MRPL3: variants seen among roughly 807,000 people sequenced by gnomAD.
MRPL3 encodes the protein mitochondrial ribosomal protein L3.
Under a neutral mutation model 44.3 loss-of-function variants are expected in MRPL3, and 43 were observed. That is an observed-to-expected ratio of 0.97 (90% CI 0.76 to 1.25). The LOEUF is 1.25. Among genes scored for constraint, MRPL3 ranks in the 50% most tolerant of loss-of-function variants. The pLI, the probability that MRPL3 is intolerant of heterozygous loss-of-function variation, is 0.00. For synonymous variants in MRPL3, 171 were observed against 152.3 expected (o/e 1.12, Z -0.91); for missense variants, 406 against 427.6 (o/e 0.95, Z 0.45).
chr3:131,484,125 T>C (rs748239147), intron 6 of MRPL3, among the ~76,000 whole-genome samples: 88 of 152,286 alleles, frequency 5.8e-4, no homozygotes, highest in Admixed American at 1.4e-3. Context: ...GATGTTTGTA[T>C]GTTATAATTC....
At chr3:131,480,404 T>C (rs919988611) in intron 6 of MRPL3, among the ~76,000 whole-genome samples, 10 of 152,340 alleles carry the variant, frequency 6.6e-5, no homozygotes, top group African/African-American at 1.7e-4. Context: ...AATATCAATA[T>C]AGCTGTTAAC....
chr3:131,492,214 T>A (rs780245847), intron 4 of MRPL3, among the ~76,000 whole-genome samples: 6 of 152,220 alleles, frequency 3.9e-5, no homozygotes, highest in Non-Finnish European at 8.8e-5. Context: ...ACTTTTATTT[T>A]ATTAAAGCAT....
chr3:131,477,594 AATC>A (rs1401353490), intron 6 of MRPL3, among the ~76,000 whole-genome samples: 1 of 149,694 alleles, frequency 6.7e-6, no homozygotes, highest in Non-Finnish European at 1.5e-5. Context: ...GTTGAACAAT[AATC>A]AACTCAAGGC....
chr3:131,482,370 G>C (rs927721518), intron 6 of MRPL3, among the ~76,000 whole-genome samples: 27 of 152,068 alleles, frequency 1.8e-4, no homozygotes, highest in African/African-American at 5.6e-4. Flanking sequence ...CAAAAAATTA[G>C]TTGGGCGTGG....
chr3:131,470,997 A>G (rs1478929380), intron 7 of MRPL3, among the ~76,000 whole-genome samples, 174 bp downstream of exon 7: 5 of 152,182 alleles, frequency 3.3e-5, no homozygotes, highest in African/African-American at 1.2e-4. Context: ...AACTAATTCT[A>G]GTCTGGCTCT....
intron 9 of MRPL3, among the ~76,000 whole-genome samples, chr3:131,463,106 T>C (rs943373597): frequency 6.6e-6 from 1 of 152,186 alleles, no homozygotes; most frequent in African/African-American, 2.4e-5. Context: ...AATCACCAAT[T>C]GTTACTTTGT....
At chr3:131,486,020 T>A (rs1257860837) in intron 6 of MRPL3, among the ~76,000 whole-genome samples, 1 of 152,090 alleles carries the variant, frequency 6.6e-6, no homozygotes, top group East Asian at 1.9e-4. Context: ...GAAATTATCA[T>A]TTATGTTGAA....
At chr3:131,483,663 C>T (rs993417189) in intron 6 of MRPL3, among the ~76,000 whole-genome samples, 2 of 152,128 alleles carry the variant, frequency 1.3e-5, no homozygotes, top group Non-Finnish European at 2.9e-5. Context: ...TTAAAAGGAA[C>T]ACTTTAAAAT....
chr3:131,492,077 C>T lies in MRPL3; in HGVS notation c.469-1997G>A, dbSNP rs188406909. On this transcript the variant is annotated intron_variant, in intron 4 of 9. Coordinates refer to ENST00000264995, the MANE Select transcript of MRPL3 (RefSeq NM_007208.4). ...CATCCTATTGCCTCTGTCTAGAATG[C>T]TTTTCTGCCATATTTTTGCATGACT... Among the ~76,000 whole-genome samples the T allele has an allele frequency of 1.9e-3, 283 of 152,224 alleles. 1 individual carries two copies. Among genetic ancestry groups the T allele is most frequent in the African/African-American group, 6.3e-3 (263 of 41,534 alleles).
intron 6 of MRPL3, chr3:131,479,154 G>A (rs778391913): frequency 5.8e-6 from 3 of 518,834 alleles, no homozygotes; most frequent in Admixed American, 3.9e-5. Context: ...AGAGCTGGCA[G>A]GAACTCCAAA....
intron 4 of MRPL3, among the ~76,000 whole-genome samples, chr3:131,497,218 C>G (rs1934388108): frequency 6.6e-6 from 1 of 152,228 alleles, no homozygotes; most frequent in Non-Finnish European, 1.5e-5. Flanking sequence ...GCTCTGGTGT[C>G]TGTCGCTCTA....
rs536922615 is a variant in MRPL3, at chr3:131,501,918, C to T, written c.93-203G>A. On this transcript the variant is annotated intron_variant, in intron 1 of 9. Coordinates refer to ENST00000264995, the MANE Select transcript of MRPL3 (RefSeq NM_007208.4). ...TAAGGCTCACATTTAAACTGTTAGT[C>T]GTTACCCTGGAGAAAAAAATTCATC... The T allele has an allele frequency of 3.6e-5, 56 of 1,535,666 alleles. 1 individual carries two copies. The South Asian group carries it at 6.1e-4, about 17-fold the overall frequency.
At chr3:131,486,056 A>G (rs1373621093) in intron 6 of MRPL3, among the ~76,000 whole-genome samples, 2 of 152,186 alleles carry the variant, frequency 1.3e-5, no homozygotes, top group Non-Finnish European at 2.9e-5. Flanking sequence ...TCTTTGACAA[A>G]CTTGACAACA....
intron 3 of MRPL3, among the ~76,000 whole-genome samples, 156 bp from the exon 4 acceptor site, chr3:131,498,433 A>G (rs1024381955): frequency 6.8e-6 from 1 of 147,460 alleles, no homozygotes; most frequent in Non-Finnish European, 1.5e-5. Context: ...AATATAAATT[A>G]AAAAAAAAAA....
chr3:131,473,771 C>G (rs1210749906), intron 6 of MRPL3, among the ~76,000 whole-genome samples: 4 of 151,742 alleles, frequency 2.6e-5, no homozygotes. Context: ...ACACATTTCT[C>G]AAAAAGAGAC....
chr3:131,467,240 GCACA>G (rs10522470), intron 9 of MRPL3, among the ~76,000 whole-genome samples: 26 of 151,020 alleles, frequency 1.7e-4, no homozygotes, highest in African/African-American at 5.8e-4. Context: ...CCATACGCGC[GCACA>G]CACACACACA....
At chr3:131,490,757 A>T (rs920403417) in intron 4 of MRPL3, among the ~76,000 whole-genome samples, 1 of 152,230 alleles carries the variant, frequency 6.6e-6, no homozygotes, top group African/African-American at 2.4e-5. Context: ...TACACATGAG[A>T]TGCACATGGA....
At chr3:131,502,355 G>C (rs1582724265) in intron 1 of MRPL3, among the ~76,000 whole-genome samples, 1 of 152,118 alleles carries the variant, frequency 6.6e-6, no homozygotes, top group African/African-American at 2.4e-5. Flanking sequence ...GAGTGACTTT[G>C]GGCAAATTAA....
At chr3:131,468,193 A>G (rs776165341) in intron 8 of MRPL3, 25 bp from the exon 9 acceptor site, 10 of 1,364,522 alleles carry the variant, frequency 7.3e-6, no homozygotes, top group Non-Finnish European at 1.0e-5. Context: ...AAAACCAAAA[A>G]TTTTAGGATA....
Sources: gnomAD v4.1 joint callset for allele counts (sites outside exome capture counted in the v4.1 genomes callset) on GRCh38, gnomAD v4.1.1 for gene constraint, MANE v1.5 for transcripts, NCBI Gene and HGNC (gene_info 2026-07-23, HGNC 2026-07-21) for gene names.